The following SDCCAG8 variants were observed in gnomAD, a reference collection of about 807,000 sequenced individuals.
SDCCAG8 encodes serologically defined colon cancer antigen 8.
In SDCCAG8, 74 loss-of-function variants were observed where a neutral mutation model predicts 101.8. That is an observed-to-expected ratio of 0.73 (90% CI 0.60 to 0.88). The LOEUF (loss-of-function observed/expected upper bound fraction) is 0.88. SDCCAG8 is among the 40% of genes least tolerant of loss of function. The pLI, the probability that SDCCAG8 is intolerant of heterozygous loss-of-function variation, is 0.00. For synonymous variants in SDCCAG8, 281 were observed against 292.9 expected, an observed-to-expected ratio of 0.96 and a Z score of 0.41; for missense variants, 787 against 822.6, an observed-to-expected ratio of 0.96 and a Z score of 0.53.
chr1:243,469,855 C>A (rs930504643), intron 16 of SDCCAG8, among the ~76,000 whole-genome samples: 3 of 96,802 alleles, frequency 3.1e-5, no homozygotes, highest in African/African-American at 1.1e-4. Context: ...TTTTTTTAGT[C>A]TTCTAAGCCT....
chr1:243,341,213 A>G lies in SDCCAG8; in HGVS notation c.1356+40A>G, dbSNP rs1161508004. ...TTTAGTGTAATCGTTACTTAAGGAA[A>G]TATTTCCTTTGAAAAATGTTTTCCT... On this transcript the variant is annotated intron_variant, in intron 11 of 17. Transcript: ENST00000366541. 14 of 1,608,202 alleles carry G rather than the reference A, an allele frequency of 8.7e-6. No individual in the cohort carries two copies. The East Asian group carries it at 2.9e-4, about 33-fold the overall frequency.
chr1:243,324,582 G>C (rs58609283), intron 9 of SDCCAG8, among the ~76,000 whole-genome samples: 2,689 of 144,486 alleles, frequency 0.019, 73 homozygotes, highest in African/African-American at 0.064. Context: ...CCTTAGCCCC[G>C]CAAAGTGCTG....
chr1:243,490,630 G>C (rs532765762), intron 17 of SDCCAG8, among the ~76,000 whole-genome samples: 5 of 152,242 alleles, frequency 3.3e-5, no homozygotes, highest in Non-Finnish European at 5.9e-5. Context: ...CTGGCTTCAC[G>C]GGCTACTGGG....
chr1:243,344,088 T>C, intron 11 of SDCCAG8, 127 bp from the exon 12 acceptor site: 1 of 747,232 alleles, frequency 1.3e-6, no homozygotes, highest in Non-Finnish European at 2.4e-6. Context: ...TAATAGAAAA[T>C]GGCATTCTTA....
At chr1:243,344,548 A>G (rs540495785) in intron 12 of SDCCAG8, among the ~76,000 whole-genome samples, 4 of 152,330 alleles carry the variant, frequency 2.6e-5, no homozygotes, top group Admixed American at 6.5e-5. Flanking sequence ...TAAAATTCCA[A>G]TCTGACAGGT....
At chr1:243,285,825 A>G (rs1462850583) in intron 4 of SDCCAG8, among the ~76,000 whole-genome samples, 1 of 152,230 alleles carries the variant, frequency 6.6e-6, no homozygotes, top group African/African-American at 2.4e-5. Flanking sequence ...CTACCATTTC[A>G]TAGATAATCA....
chr1:243,286,190 A>C, intron 4 of SDCCAG8, 82 bp from the exon 5 acceptor site: 1 of 1,361,268 alleles, frequency 7.3e-7, no homozygotes, highest in Non-Finnish European at 1.0e-6. Context: ...TCCGTACTTT[A>C]TATCATGCTG....
chr1:243,396,369 G>C (rs1404017007), intron 13 of SDCCAG8, among the ~76,000 whole-genome samples: 1 of 152,080 alleles, frequency 6.6e-6, no homozygotes, highest in Admixed American at 6.5e-5. Context: ...TTGAACATTA[G>C]TGAAACAGAA....
intron 16 of SDCCAG8, chr1:243,476,180 G>A (rs1662377572): frequency 5.1e-6 from 5 of 985,330 alleles, no homozygotes; most frequent in African/African-American, 1.7e-5. Context: ...TCAATTGGTC[G>A]CCTTCAGTTA....
intron 16 of SDCCAG8, among the ~76,000 whole-genome samples, chr1:243,486,431 C>T (rs536963894): frequency 3.9e-5 from 6 of 152,224 alleles, no homozygotes; most frequent in African/African-American, 1.2e-4. Flanking sequence ...CACACCCAGG[C>T]ACTTGATTCA....
At chr1:243,331,367 A>G (rs985695996) in intron 10 of SDCCAG8, among the ~76,000 whole-genome samples, 12 of 152,190 alleles carry the variant, frequency 7.9e-5, no homozygotes, top group Non-Finnish European at 1.6e-4. Flanking sequence ...ACTGTGTTAC[A>G]TGTTTGTTTT....
At chr1:243,274,435 T>A (rs2068356258) in intron 3 of SDCCAG8, 108 bp from the exon 4 acceptor site, 1 of 667,348 alleles carries the variant, frequency 1.5e-6, no homozygotes, top group Non-Finnish European at 2.7e-6. Context: ...AGTGCAAAAT[T>A]GAGTATGGAG....
chr1:243,293,159 A>G lies in SDCCAG8; in HGVS notation c.615A>G (p.Pro205=). The G allele has an allele frequency of 1.9e-6, 3 of 1,614,066 alleles. No homozygotes were observed. Among genetic ancestry groups the G allele is most frequent in the Middle Eastern group, 1.6e-4 (1 of 6,062 alleles). The change falls in exon 6 of 18, where the codon CCA becomes CCG. Residue 205 remains proline (P), a synonymous_variant. Transcript: ENST00000366541. The part of the protein sequence containing the change: ...DSGVGETSKR[P]FSHDNADFGK... ...GGGTGGGCGAAACCTCCAAAAGACC[A>G]TTTTCCCATGACAATGCAGATTTTG...
rs528303302 is a variant in SDCCAG8, at chr1:243,419,742, A to G, written c.1853+1666A>G. ...ATGGTAATTACAGTATTTTACATCTATTGCTAAAGAAAATTCAAGCCACAG... is the reference window on the plus strand; with the variant it reads ...ATGGTAATTACAGTATTTTACATCTGTTGCTAAAGAAAATTCAAGCCACAG... On this transcript the variant is annotated intron_variant, in intron 15 of 17. Coordinates refer to ENST00000366541, the MANE Select transcript of SDCCAG8 (RefSeq NM_006642.5). Among the ~76,000 whole-genome samples, 4 of 152,354 alleles carry G rather than the reference A, an allele frequency of 2.6e-5. No homozygotes were observed. In the South Asian group the frequency reaches 6.2e-4, roughly 24 times the overall value.
At chr1:243,353,422 C>T (rs562741363) in intron 12 of SDCCAG8, among the ~76,000 whole-genome samples, 5 of 126,860 alleles carry the variant, frequency 3.9e-5, no homozygotes, top group East Asian at 2.5e-4. Context: ...ACCCAGGAAG[C>T]GGAGGTTGCA....
intron 1 of SDCCAG8, among the ~76,000 whole-genome samples, chr1:243,259,855 A>G (rs1329518352): frequency 1.3e-5 from 2 of 152,130 alleles, no homozygotes; most frequent in African/African-American, 4.8e-5. Context: ...CAAACAAAAA[A>G]AGATATTTTC....
chr1:243,417,125 C>T (rs2080643332), intron 14 of SDCCAG8, among the ~76,000 whole-genome samples: 1 of 152,166 alleles, frequency 6.6e-6, no homozygotes. Flanking sequence ...CTATCACTTT[C>T]AGTAGAGATT....
chr1:243,416,388 T>C lies in SDCCAG8; in HGVS notation c.1744+559T>C, dbSNP rs2080587057. ...CTGGATGTAATTCAGTGGCTCCAAA[T>C]TGATATGTTCCTTTATTTAATCTTT... On this transcript the variant is annotated intron_variant, in intron 14 of 17. Transcript: ENST00000366541. This position sits in a 1 kb window ranked among gnomAD's most constrained non-coding sequence, Gnocchi z 4.3. Among the ~76,000 whole-genome samples, 1 of 152,226 alleles carries C rather than the reference T, an allele frequency of 6.6e-6. No individual in the cohort carries two copies. Among genetic ancestry groups the C allele is most frequent in the South Asian group, 2.1e-4 (1 of 4,836 alleles).
chr1:243,401,663 A>G (rs903922007), intron 13 of SDCCAG8, among the ~76,000 whole-genome samples: 5 of 152,186 alleles, frequency 3.3e-5, no homozygotes, highest in Non-Finnish European at 5.9e-5. Context: ...TAACTTTTTC[A>G]TAATACTTTG....
Sources: allele counts gnomAD v4.1 joint callset (sites outside exome capture counted in the v4.1 genomes callset), GRCh38; gene constraint gnomAD v4.1.1; non-coding constraint Gnocchi (gnomAD v3.1); transcripts MANE v1.5; gene names NCBI Gene and HGNC (gene_info 2026-07-23, HGNC 2026-07-21).